The following CIITA variants were observed in gnomAD, a reference collection of about 807,000 sequenced individuals.
The protein encoded by CIITA is class II major histocompatibility complex transactivator.
Under a neutral mutation model 115.1 loss-of-function variants are expected in CIITA, and 72 were observed. The observed-to-expected ratio is 0.63, with a 90% CI of 0.52 to 0.76. The LOEUF is 0.76. Ranked by LOEUF, CIITA falls within the 30% of genes least tolerant of loss-of-function variation. The pLI is 0.00. For synonymous variants in CIITA, 763 were observed against 635.6 expected (o/e 1.20, Z -3.02); for missense variants, 1,617 against 1,463.8 (o/e 1.10, Z -1.71).
intron 10 of CIITA, 97 bp downstream of exon 10, chr16:10,904,909 C>T (rs78701268): frequency 8.1e-7 from 1 of 1,238,294 alleles, no homozygotes; most frequent in East Asian, 2.3e-5. Flanking sequence ...TCAACCCCTT[C>T]TTTGTTGGCT....
chr16:10,894,428 A>G (rs1429788118), intron 1 of CIITA, among the ~76,000 whole-genome samples: 3 of 152,066 alleles, frequency 2.0e-5, no homozygotes, highest in Admixed American at 6.5e-5. Context: ...ACATTCGTGT[A>G]TAGGTTTTTG....
chr16:10,887,047 G>A (rs1247978884), intron 1 of CIITA, among the ~76,000 whole-genome samples: 1 of 152,208 alleles, frequency 6.6e-6, no homozygotes, highest in Non-Finnish European at 1.5e-5. Context: ...GGGGAAAAGT[G>A]AGAGATGTTT....
chr16:10,940,051 C>A (rs2041080543), downstream of CIITA: 1 of 152,266 alleles, frequency 6.6e-6, no homozygotes, highest in Admixed American at 6.5e-5. This position sits in a 1 kb window ranked among gnomAD's most constrained non-coding sequence, Gnocchi z 4.2. Flanking sequence ...TAAGATGTTA[C>A]TGAGCTCAAC....
At chr16:10,904,685 AG>A in intron 9 of CIITA, 58 bp from the exon 10 acceptor site, 3 of 1,581,300 alleles carry the variant, frequency 1.9e-6, no homozygotes, top group East Asian at 2.2e-5. Flanking sequence ...GCCCAGAGGG[AG>A]GGGGGTCCCC....
chr16:10,903,635 T>C (rs2038937002), intron 8 of CIITA, 96 bp from the exon 9 acceptor site: 2 of 1,321,872 alleles, frequency 1.5e-6, no homozygotes, highest in Non-Finnish European at 2.2e-6. Context: ...CCAGACTTCC[T>C]GAGCTCCACA....
At chr16:10,913,990 A>T (rs905699565) in intron 13 of CIITA, among the ~76,000 whole-genome samples, 1 of 141,178 alleles carries the variant, frequency 7.1e-6, no homozygotes, top group African/African-American at 2.7e-5. Context: ...CCTCATGGTT[A>T]AAAAAAAAAC....
At position 10,933,426 on chromosome 16, in the gene CIITA, C is replaced by T. The variant is rs762694430; in HGVS notation, c.*9571C>T. ...AGTTCAGCTGCCCGCTGTCCTGCTC[C>T]TCAGGGCAAATGCTGTGAGATCTGC... On this transcript the variant is annotated 3_prime_UTR_variant, in exon 20 of 20. Coordinates refer to ENST00000324288, the MANE Select transcript of CIITA (RefSeq NM_000246.4). 4 of 152,256 alleles carry T rather than the reference C, an allele frequency of 2.6e-5. No individual in the cohort carries two copies. The highest frequency in any genetic ancestry group is 5.9e-5 in the Non-Finnish European group (4 of 68,060). 9.4% of individuals were successfully genotyped at this position (152,256 alleles called of 1,614,324 possible).
chr16:10,914,461 A>G (rs1011013931), intron 13 of CIITA, among the ~76,000 whole-genome samples: 2 of 152,234 alleles, frequency 1.3e-5, no homozygotes, highest in Non-Finnish European at 2.9e-5. Flanking sequence ...TCATTCAAAC[A>G]AACAAATAAC....
rs114812874 is a variant in CIITA, at chr16:10,901,216, G to A, written c.437-298G>A. On this transcript the variant is annotated intron_variant, in intron 5 of 19. Transcript: ENST00000324288. This position sits in a 1 kb window ranked among gnomAD's most constrained non-coding sequence, Gnocchi z 6.8. ...TTGCAAAGGCACACAGCTAGGAAGC[G>A]GTTCAAAAGCAGGTTCCTTTGTTTT... Among the ~76,000 whole-genome samples the A allele has an allele frequency of 9.1e-3, 1,384 of 152,256 alleles. 26 individuals carry two copies. Among genetic ancestry groups the A allele is most frequent in the African/African-American group, 0.031 (1,299 of 41,540 alleles).
chr16:10,889,995 T>C (rs574855143), intron 1 of CIITA, among the ~76,000 whole-genome samples: 21 of 152,306 alleles, frequency 1.4e-4, no homozygotes, highest in African/African-American at 4.8e-4. Flanking sequence ...TCCCCAGAGC[T>C]TTTTGGGAAC....
Position 10,901,708 on chromosome 16 carries a change from T to C in CIITA, c.481+150T>C. On this transcript the variant is annotated intron_variant, in intron 6 of 19. Coordinates refer to ENST00000324288, the MANE Select transcript of CIITA (RefSeq NM_000246.4). The surrounding 1 kb of genome is among the most constrained non-coding windows in gnomAD (Gnocchi z 6.8). ...GTAGAGGCTGAGAGCTTGGGGTCCCTTAGAGTCCTCTAAGGGGCTCACGAC... is the reference window on the plus strand; with the variant it reads ...GTAGAGGCTGAGAGCTTGGGGTCCCCTAGAGTCCTCTAAGGGGCTCACGAC... 2.3e-6 allele frequency: 2 copies of C among 853,068 alleles called. No individual in the cohort carries two copies. The highest frequency in any genetic ancestry group is 1.5e-5 in the South Asian group (1 of 67,218). 52.8% of individuals were successfully genotyped at this position (853,068 alleles called of 1,614,324 possible).
chr16:10,882,704 C>G (rs563298629), intron 1 of CIITA, among the ~76,000 whole-genome samples: 1 of 152,276 alleles, frequency 6.6e-6, no homozygotes, highest in Non-Finnish European at 1.5e-5. Context: ...TCGAGACCAG[C>G]CTGGGCAACA....
At position 10,895,517 on chromosome 16, in the gene CIITA, C is replaced by T. The variant is rs11074937; in HGVS notation, c.199+89C>T. Reference sequence around the variant, plus strand: ...CAATCAGGGGAAATTCTGGTCCCTGCCCTCCCGTCAGCACCACGGACAGCT... The same window carrying T: ...CAATCAGGGGAAATTCTGGTCCCTGTCCTCCCGTCAGCACCACGGACAGCT... On this transcript the variant is annotated intron_variant, in intron 2 of 19. Transcript: ENST00000324288. 1,575,674 of 1,589,520 alleles carry T rather than the reference C, an allele frequency of 0.99. 781,868 individuals are homozygous for T. Among genetic ancestry groups the T allele is most frequent in the East Asian group, 1 (44,219 of 44,220 alleles).
At chr16:10,938,132 T>G (rs932993940), downstream of CIITA, 55 of 152,198 alleles carry the variant, frequency 3.6e-4, no homozygotes, top group Non-Finnish European at 1.5e-5. The surrounding 1 kb of genome is among the most constrained non-coding windows in gnomAD (Gnocchi z 4.9). Context: ...TACAAGGAGA[T>G]CTAAGTGCTT....
intron 13 of CIITA, among the ~76,000 whole-genome samples, chr16:10,915,258 C>G (rs1347658802): frequency 6.6e-6 from 1 of 152,028 alleles, no homozygotes; most frequent in African/African-American, 2.4e-5. Flanking sequence ...CTATGTTGCC[C>G]AAGCTGGTCT....
chr16:10,895,595 C>G (rs955183519), intron 2 of CIITA, 74 bp from the exon 3 acceptor site: 1 of 1,589,584 alleles, frequency 6.3e-7, no homozygotes, highest in African/African-American at 1.3e-5. Context: ...CAGCCCTGCC[C>G]CGCCTCTCCC....
intron 1 of CIITA, among the ~76,000 whole-genome samples, chr16:10,870,169 C>CAA (rs34256366): frequency 3.5e-4 from 16 of 46,284 alleles, no homozygotes; most frequent in East Asian, 2.5e-3. Flanking sequence ...GTACTTCCTG[C>CAA]AAAAAAAAAA....
chr16:10,902,178 A>C lies in CIITA; in HGVS notation c.622A>C (p.Ile208Leu). 1 of 1,614,000 alleles carries C rather than the reference A, an allele frequency of 6.2e-7. No homozygotes were observed. Among genetic ancestry groups the C allele is most frequent in the Non-Finnish European group, 8.5e-7 (1 of 1,179,966 alleles). ...GQMRLEKTDQ[I>L]PMPFSSSSLS... is the part of the protein sequence containing the mutation. ...GATGCGCCTGGAGAAAACCGACCAG[A>C]TTCCCAGTATGTTAGGGGGCTTGGA... is the stretch of plus-strand genomic sequence containing the variant. Residue 208 changes from isoleucine to leucine, a missense_variant, in exon 7 of 20, where the codon ATT (isoleucine) becomes CTT (leucine). Transcript: ENST00000324288.
chr16:10,895,257 G>A (rs1567389432), intron 1 of CIITA, 25 bp from the exon 2 acceptor site: 1 of 1,613,188 alleles, frequency 6.2e-7, no homozygotes, highest in East Asian at 2.2e-5. Context: ...CCTGTGAGGT[G>A]ACTGAGCATT....
Sources: allele counts gnomAD v4.1 joint callset (sites outside exome capture counted in the v4.1 genomes callset), GRCh38; gene constraint gnomAD v4.1.1; non-coding constraint Gnocchi (gnomAD v3.1); transcripts MANE v1.5; gene names NCBI Gene and HGNC (gene_info 2026-07-23, HGNC 2026-07-21).